DNAJC3: variants seen among roughly 807,000 people sequenced by gnomAD.
DNAJC3 encodes DnaJ heat shock protein family (Hsp40) member C3.
In DNAJC3, 38 loss-of-function variants were observed where a neutral mutation model predicts 68.6. The ratio of observed to expected loss-of-function variants is 0.55; its 90% confidence interval spans 0.43 to 0.73. The LOEUF (loss-of-function observed/expected upper bound fraction) is 0.73, where lower values mean the gene tolerates loss of function less well. Among genes scored for constraint, DNAJC3 ranks in the 30% least tolerant of loss-of-function variants. The pLI is 0.00. For synonymous variants in DNAJC3, 203 were observed against 204.0 expected (o/e 1.00, Z 0.04); for missense variants, 526 against 591.9 (o/e 0.89, Z 1.16).
At chr13:95,688,965 T>C (rs7997124) in intron 1 of DNAJC3, among the ~76,000 whole-genome samples, 22,951 of 130,908 alleles carry the variant, frequency 0.18, 2,213 homozygotes, top group Middle Eastern at 0.27. Context: ...TGTGTGTGTG[T>C]GCGCGCTGTT....
chr13:95,716,359 C>A (rs945226962), intron 2 of DNAJC3, among the ~76,000 whole-genome samples: 13 of 152,104 alleles, frequency 8.5e-5, no homozygotes, highest in African/African-American at 3.1e-4. Context: ...GCTCCGGCCC[C>A]ACGGCAATGT....
intron 9 of DNAJC3, among the ~76,000 whole-genome samples, chr13:95,764,695 CAT>C (rs1318299201): frequency 5.2e-4 from 60 of 114,790 alleles, no homozygotes; most frequent in Non-Finnish European, 7.0e-4. Flanking sequence ...CACACACACA[CAT>C]ATATATATAC....
Position 95,757,666 on chromosome 13 carries a change from A to G in DNAJC3, c.416A>G (p.Asn139Ser). The G allele has an allele frequency of 6.4e-7, 1 of 1,569,908 alleles. No individual in the cohort carries two copies. ...TAGCTCAAATCTAATCCAAGTGAAA[A>G]TGAAGAAAAGGAAGCACAGTCTCAA... ...KKVLKSNPSENEEKEAQSQLI... is the reference protein window; with the variant it reads ...KKVLKSNPSESEEKEAQSQLI... The change falls in exon 5 of 12, where the codon AAT (asparagine) becomes AGT (serine). Residue 139 changes from asparagine (N) to serine (S), a missense_variant. Asn to Ser is a conservative substitution (Grantham distance 46, BLOSUM62 1). Coordinates refer to ENST00000602402, the MANE Select transcript of DNAJC3 (RefSeq NM_006260.5).
chr13:95,746,479 A>G (rs1213328629), intron 4 of DNAJC3, among the ~76,000 whole-genome samples: 1 of 152,174 alleles, frequency 6.6e-6, no homozygotes, highest in Non-Finnish European at 1.5e-5. Flanking sequence ...TAGAAGTTGA[A>G]TAGATGACAT....
chr13:95,760,002 T>G (rs201512178), intron 5 of DNAJC3, 38 bp from the exon 6 acceptor site: 1 of 1,513,124 alleles, frequency 6.6e-7, no homozygotes, highest in East Asian at 2.3e-5. Flanking sequence ...TGTGCATAAT[T>G]TATTCTTTCT....
At chr13:95,708,878 C>G (rs576676349) in intron 1 of DNAJC3, among the ~76,000 whole-genome samples, 31 of 152,242 alleles carry the variant, frequency 2.0e-4, no homozygotes, top group South Asian at 6.2e-4. Flanking sequence ...AATATTGTAA[C>G]AGTCTCTATG....
At chr13:95,740,367 T>C (rs1310939009) in intron 4 of DNAJC3, among the ~76,000 whole-genome samples, 2 of 152,220 alleles carry the variant, frequency 1.3e-5, no homozygotes, top group Non-Finnish European at 2.9e-5. Flanking sequence ...CTGCTTTGTT[T>C]ACCTAAGCAA....
intron 1 of DNAJC3, among the ~76,000 whole-genome samples, chr13:95,699,717 G>C (rs1352277695): frequency 6.6e-6 from 1 of 152,132 alleles, no homozygotes; most frequent in Non-Finnish European, 1.5e-5. Flanking sequence ...TACTTCCTGG[G>C]GTTGTTTTGA....
chr13:95,790,889 T>G lies in DNAJC3; in HGVS notation c.1374T>G (p.Phe458Leu). The change falls in exon 12 of 12, where the codon TTT becomes TTG. Residue 458 changes from phenylalanine (F) to leucine (L), a missense_variant. Physicochemically the swap from Phe to Leu is conservative, Grantham distance 22. Transcript: ENST00000602402. ...TCTTTCTAGAAATGAGAAAGAAGTT[T>G]GACGACGGAGAAGATCCTTTGGATG... Reference protein sequence around the residue: ...VLSDPEMRKKFDDGEDPLDAE... With the variant: ...VLSDPEMRKKLDDGEDPLDAE... 1 of 1,609,188 alleles carries G rather than the reference T, an allele frequency of 6.2e-7. No homozygotes were observed. The highest frequency in any genetic ancestry group is 8.5e-7 in the Non-Finnish European group (1 of 1,178,968).
At chr13:95,690,609 G>A (rs1165891915) in intron 1 of DNAJC3, among the ~76,000 whole-genome samples, 6 of 149,186 alleles carry the variant, frequency 4.0e-5, no homozygotes, top group South Asian at 2.1e-4. Flanking sequence ...CTGGCCAGGC[G>A]GGGGGCTGAC....
chr13:95,733,644 C>T (rs184556650), intron 4 of DNAJC3, among the ~76,000 whole-genome samples: 1 of 151,094 alleles, frequency 6.6e-6, no homozygotes, highest in Admixed American at 6.6e-5. Flanking sequence ...AGGTGATCTG[C>T]CTGCCCTGGC....
chr13:95,775,149 T>A (rs1400197112), intron 9 of DNAJC3, among the ~76,000 whole-genome samples: 1 of 152,180 alleles, frequency 6.6e-6, no homozygotes, highest in Non-Finnish European at 1.5e-5. Flanking sequence ...ATTGTAGTCT[T>A]AAACCCCTGG....
At chr13:95,696,107 A>G (rs1356872109) in intron 1 of DNAJC3, among the ~76,000 whole-genome samples, 1 of 152,196 alleles carries the variant, frequency 6.6e-6, no homozygotes, top group Non-Finnish European at 1.5e-5. Flanking sequence ...TCACTCATTC[A>G]GACATTACAC....
chr13:95,777,218 G>T (rs551960012), intron 9 of DNAJC3, among the ~76,000 whole-genome samples: 39 of 152,220 alleles, frequency 2.6e-4, no homozygotes, highest in Non-Finnish European at 5.0e-4. Context: ...CGTAGTTATT[G>T]TTCTGTTCTT....
At chr13:95,727,002 C>T (rs981396672) in intron 4 of DNAJC3, among the ~76,000 whole-genome samples, 49 of 152,138 alleles carry the variant, frequency 3.2e-4, no homozygotes, top group African/African-American at 1.1e-3. Context: ...ATCTCCCCTC[C>T]TACTTGGGAA....
chr13:95,763,299 C>T (rs1263107234), intron 7 of DNAJC3, among the ~76,000 whole-genome samples: 2 of 152,146 alleles, frequency 1.3e-5, no homozygotes, highest in Non-Finnish European at 2.9e-5. Context: ...GTTCAAGGTG[C>T]TCAGTGTAAG....
chr13:95,712,011 A>G (rs774842684), intron 2 of DNAJC3, among the ~76,000 whole-genome samples: 1 of 152,252 alleles, frequency 6.6e-6, no homozygotes. Flanking sequence ...ATGTTTGTAC[A>G]CACAAACACA....
In DNAJC3 at chr13:95,688,857, G is replaced by A. The variant is rs752411733; in HGVS notation, c.82+11520G>A. On this transcript the variant is annotated intron_variant, in intron 1 of 11. Transcript: ENST00000602402. The stretch of plus-strand genomic sequence containing the variant: ...TTTTGTTTTTAATTCTGTTTATGTG[G>A]TGGACCACATATGTTTGCATATGTT... Among the ~76,000 whole-genome samples, 6 of 151,358 alleles carry A rather than the reference G, an allele frequency of 4.0e-5. No homozygotes were observed. In the East Asian group the frequency reaches 5.8e-4, roughly 15 times the overall value.
intron 1 of DNAJC3, among the ~76,000 whole-genome samples, chr13:95,679,125 GAAGTT>G (rs972850019): frequency 6.8e-6 from 1 of 147,526 alleles, no homozygotes; most frequent in African/African-American, 2.6e-5. Context: ...GCTGGAGACA[GAAGTT>G]AAGTAGTTGA....
Sources: allele counts gnomAD v4.1 joint callset (sites outside exome capture counted in the v4.1 genomes callset), GRCh38; gene constraint gnomAD v4.1.1; transcripts MANE v1.5; gene names NCBI Gene and HGNC (gene_info 2026-07-23, HGNC 2026-07-21).